Variants in CAMTA1 observed in about 807,000 individuals in gnomAD.
CAMTA1 encodes calmodulin binding transcription activator 1, also known as calmodulin-binding transcription activator 1.
A neutral mutation model predicts 170.9 loss-of-function variants in CAMTA1; 27 were observed. The observed-to-expected ratio is 0.16, with a 90% confidence interval of 0.12 to 0.22. The LOEUF is 0.22. Among genes scored for constraint, CAMTA1 ranks in the 10% least tolerant of loss-of-function variants. CAMTA1 has a pLI of 1.00. For missense variants in CAMTA1, 1,619 were observed against 2,217.2 expected, an observed-to-expected ratio of 0.73 and a Z score of 5.42; for synonymous variants, 833 against 891.5, an observed-to-expected ratio of 0.93 and a Z score of 1.17.
chr1:7,588,885 C>T lies in CAMTA1; in HGVS notation c.511-51515C>T, dbSNP rs2095332904. 6.6e-6 allele frequency among the ~76,000 whole-genome samples: 1 copy of T among 152,184 alleles called. No individual in the cohort carries two copies. The highest frequency in any genetic ancestry group is 2.4e-5 in the African/African-American group (1 of 41,440). ...CCATGTTATTGGGCACCAGGGCAAC[C>T]CCGCATCAGGTGCTTATTATTTTCT... On this transcript the variant is annotated intron_variant, in intron 6 of 22. Coordinates refer to ENST00000303635, the MANE Select transcript of CAMTA1 (RefSeq NM_015215.4). The surrounding 1 kb of genome is among the most constrained non-coding windows in gnomAD (Gnocchi z 5.8).
chr1:6,993,853 A>C (rs1006699761), intron 3 of CAMTA1, among the ~76,000 whole-genome samples: 1 of 152,064 alleles, frequency 6.6e-6, no homozygotes, highest in East Asian at 1.9e-4. Flanking sequence ...TAATATAATT[A>C]TTGATATGTT....
rs561902877 is a variant in CAMTA1, at chr1:7,251,121, G to A, written c.438+1495G>A. Among the ~76,000 whole-genome samples the A allele has an allele frequency of 2.0e-5, 3 of 152,200 alleles. No homozygotes were observed. Among genetic ancestry groups the A allele is most frequent in the Non-Finnish European group, 4.4e-5 (3 of 68,040 alleles). On this transcript the variant is annotated intron_variant, in intron 5 of 22. Coordinates refer to ENST00000303635, the MANE Select transcript of CAMTA1 (RefSeq NM_015215.4). The surrounding 1 kb of genome is among the most constrained non-coding windows in gnomAD (Gnocchi z 5.1). ...GGAATTCAAACTGGAAGTCACGGCA[G>A]CTCCTGTGCCCGTAGGCCCCTGGTA...
Position 6,918,784 on chromosome 1 carries a change from T to G in CAMTA1, c.234+93574T>G, listed in dbSNP as rs1307298762. 6.6e-6 allele frequency among the ~76,000 whole-genome samples: 1 copy of G among 152,188 alleles called. No homozygotes were observed. Among genetic ancestry groups the G allele is most frequent in the Non-Finnish European group, 1.5e-5 (1 of 68,018 alleles). On this transcript the variant is annotated intron_variant, in intron 3 of 22. Transcript: ENST00000303635. This position sits in a 1 kb window ranked among gnomAD's most constrained non-coding sequence, Gnocchi z 4.0. Reference sequence around the variant, plus strand: ...CTCAAGTTCAGTCATGCCCACCGCGTTCCCCCAGCCTGTCACCCTGTGGCT... The same window carrying G: ...CTCAAGTTCAGTCATGCCCACCGCGGTCCCCCAGCCTGTCACCCTGTGGCT...
At chr1:7,077,410 C>G (rs568855636) in intron 3 of CAMTA1, among the ~76,000 whole-genome samples, 1 of 152,092 alleles carries the variant, frequency 6.6e-6, no homozygotes, top group South Asian at 2.1e-4. Flanking sequence ...TCTAATGGCT[C>G]TCTCTGCTTG....
intron 11 of CAMTA1, among the ~76,000 whole-genome samples, chr1:7,728,240 C>T (rs139981216): frequency 6.6e-6 from 1 of 152,244 alleles, no homozygotes; most frequent in Admixed American, 6.5e-5. Flanking sequence ...CAGGGCCTGA[C>T]TCAGTGATGT....
chr1:7,665,190 T>G lies in CAMTA1; in HGVS notation c.2643T>G (p.Ser881=). Residue 881 remains serine (S), a synonymous_variant, in exon 9 of 23, where the codon TCT becomes TCG. Coordinates refer to ENST00000303635, the MANE Select transcript of CAMTA1 (RefSeq NM_015215.4). This position sits in a 1 kb window ranked among gnomAD's most constrained non-coding sequence, Gnocchi z 4.3. ...FMVTDYSPEW[S]YPEGGVKVLI... is the part of the protein sequence containing the mutation. The stretch of plus-strand genomic sequence containing the variant: ...TGACCGACTACTCCCCAGAGTGGTC[T>G]TACCCAGAGGTAAGCTGCCGCCGCT... 6.8e-7 allele frequency: 1 copy of G among 1,464,108 alleles called. No individual in the cohort carries two copies. Among genetic ancestry groups the G allele is most frequent in the Non-Finnish European group, 9.0e-7 (1 of 1,112,714 alleles). The allele number at this position is 1,464,108 out of a possible 1,614,324, so 90.7% of individuals were successfully genotyped here. A position where few individuals can be genotyped will look rare whatever the true frequency, so the allele number is the denominator to read the frequency against.
At chr1:7,040,406 G>C (rs1704260052) in intron 3 of CAMTA1, among the ~76,000 whole-genome samples, 1 of 152,104 alleles carries the variant, frequency 6.6e-6, no homozygotes, top group South Asian at 2.1e-4. Flanking sequence ...GGTTGCTTCG[G>C]AGTCATTAGA....
At chr1:6,884,887 T>C (rs1672755927) in intron 3 of CAMTA1, among the ~76,000 whole-genome samples, 1 of 152,224 alleles carries the variant, frequency 6.6e-6, no homozygotes, top group Non-Finnish European at 1.5e-5. Context: ...TCCTATCTTT[T>C]ACACAAAGTA....
chr1:7,247,407 T>G (rs762279254), intron 4 of CAMTA1, among the ~76,000 whole-genome samples: 9 of 152,212 alleles, frequency 5.9e-5, no homozygotes, highest in Non-Finnish European at 8.8e-5. Flanking sequence ...AGTACCCTGC[T>G]GAGGTTATTA....
intron 3 of CAMTA1, among the ~76,000 whole-genome samples, chr1:6,938,594 TCTG>T (rs1416704103): frequency 6.6e-6 from 1 of 152,216 alleles, no homozygotes; most frequent in Non-Finnish European, 1.5e-5. Flanking sequence ...CATGGCCTGT[TCTG>T]CTGTGTGTTT....
intron 5 of CAMTA1, chr1:7,389,347 A>G (rs1465661144): frequency 2.6e-5 from 4 of 152,470 alleles, no homozygotes; most frequent in Non-Finnish European, 5.9e-5. Flanking sequence ...CACCATCCGG[A>G]CTCGGGCTGT....
chr1:6,937,565 T>TCACCA (rs1685619274), intron 3 of CAMTA1, among the ~76,000 whole-genome samples: 1 of 39,388 alleles, frequency 2.5e-5, no homozygotes, highest in Non-Finnish European at 5.2e-5. Flanking sequence ...ATCATCACCA[T>TCACCA]TCACCACTTA....
chr1:7,501,348 G>T (rs568143024), intron 6 of CAMTA1, among the ~76,000 whole-genome samples: 2 of 152,210 alleles, frequency 1.3e-5, no homozygotes, highest in Non-Finnish European at 1.5e-5. Context: ...AACGGCCTTT[G>T]TTCCCGGGAT....
chr1:7,209,217 A>G (rs1573910250), intron 4 of CAMTA1, among the ~76,000 whole-genome samples: 1 of 152,058 alleles, frequency 6.6e-6, no homozygotes, highest in Non-Finnish European at 1.5e-5. Context: ...AAGTTTTTCA[A>G]CCTGCCGCTG....
At chr1:6,880,383 G>GTTTTTTTTTTTTTT (rs34745856) in intron 3 of CAMTA1, among the ~76,000 whole-genome samples, 34 of 67,204 alleles carry the variant, frequency 5.1e-4, no homozygotes, top group African/African-American at 2.0e-3. Flanking sequence ...CTCTAAAAGT[G>GTTTTTTTTTTTTTT]TTTTTTTTTT....
At chr1:7,707,369 C>T (rs949050076) in intron 11 of CAMTA1, among the ~76,000 whole-genome samples, 3 of 152,000 alleles carry the variant, frequency 2.0e-5, no homozygotes, top group African/African-American at 4.8e-5. Context: ...GAAAGTTTCC[C>T]GAGTGAAAGG....
At chr1:7,170,198 A>G (rs1463593665) in intron 4 of CAMTA1, among the ~76,000 whole-genome samples, 1 of 152,012 alleles carries the variant, frequency 6.6e-6, no homozygotes, top group East Asian at 1.9e-4. Flanking sequence ...CGTATGTTCC[A>G]TGTGTTTTAA....
At position 7,633,865 on chromosome 1, in the gene CAMTA1, G is replaced by A. The variant is rs1263937021; in HGVS notation, c.511-6535G>A. ...GCGGGAACCAGGCAAGGTGGGCACT[G>A]TTGTCAACGGGGTTGCTGAATGAGG... On this transcript the variant is annotated intron_variant, in intron 6 of 22. Transcript: ENST00000303635. The surrounding 1 kb of genome is among the most constrained non-coding windows in gnomAD (Gnocchi z 4.1). 1.3e-5 allele frequency among the ~76,000 whole-genome samples: 2 copies of A among 152,254 alleles called. No homozygotes were observed. The highest frequency in any genetic ancestry group is 2.9e-5 in the Non-Finnish European group (2 of 68,050).
intron 4 of CAMTA1, among the ~76,000 whole-genome samples, chr1:7,103,718 C>A (rs1320071190): frequency 6.6e-6 from 1 of 150,798 alleles, no homozygotes; most frequent in Non-Finnish European, 1.5e-5. Context: ...ATACATGACA[C>A]ACATGTACAC....
Sources: gnomAD v4.1 joint callset for allele counts (sites outside exome capture counted in the v4.1 genomes callset) on GRCh38, gnomAD v4.1.1 for gene constraint, Gnocchi (gnomAD v3.1) non-coding constraint, MANE v1.5 for transcripts, NCBI Gene and HGNC (gene_info 2026-07-23, HGNC 2026-07-21) for gene names.